MON1A: variants seen among roughly 807,000 people sequenced by gnomAD.
The protein encoded by MON1A is MON1 vesicular trafficking associated A.
Under a neutral mutation model 44.6 loss-of-function variants are expected in MON1A, and 29 were observed. The ratio of observed to expected loss-of-function variants is 0.65; its 90% confidence interval spans 0.48 to 0.89. The LOEUF (loss-of-function observed/expected upper bound fraction) is 0.89. Ranked by LOEUF, MON1A falls within the 40% of genes least tolerant of loss-of-function variation. The pLI, the probability that MON1A is intolerant of heterozygous loss-of-function variation, is 0.00. For missense variants in MON1A, 615 were observed against 759.6 expected (o/e 0.81, Z 2.24); for synonymous variants, 275 against 316.4 (o/e 0.87, Z 1.39).
intron 1 of MON1A, chr3:49,924,669 A>G (rs1158109680): frequency 6.1e-6 from 1 of 164,030 alleles, no homozygotes; most frequent in African/African-American, 2.4e-5. Context: ...GTGCCAGAGC[A>G]GACCCTGTCT....
chr3:49,913,199 A>C (rs2082906820), intron 2 of MON1A, 21 bp downstream of exon 2: 1 of 1,614,120 alleles, frequency 6.2e-7, no homozygotes, highest in African/African-American at 1.3e-5. Context: ...CAGCTGGCTG[A>C]GGCTGTACAC....
At position 49,909,388 on chromosome 3, in the gene MON1A, C is replaced by G. The variant is rs2082848775; in HGVS notation, c.1392G>C (p.Glu464Asp). Residue 464 changes from glutamate to aspartate, a missense_variant, in exon 5 of 6, where the codon GAG (glutamate) becomes GAC (aspartate). Coordinates refer to ENST00000296473, the MANE Select transcript of MON1A (RefSeq NM_032355.4). The surrounding 1 kb of genome is among the most constrained non-coding windows in gnomAD (Gnocchi z 4.0). ...SSGLFTSPEI[E>D]APYTSEEEQE... ...GCTCCTCTTCACTGGTGTATGGGGC[C>G]TCAATCTCAGGGCTGCAGACAGGGT... The G allele has an allele frequency of 1.2e-6, 2 of 1,614,010 alleles. No homozygotes were observed. The highest frequency in any genetic ancestry group is 4.5e-5 in the East Asian group (2 of 44,868).
At chr3:49,916,101 T>C (rs554055528) in intron 1 of MON1A, 1 of 152,376 alleles carries the variant, frequency 6.6e-6, no homozygotes, top group South Asian at 2.1e-4. Context: ...GTGAGCAAAG[T>C]AGACCTGAGC....
intron 1 of MON1A, among the ~76,000 whole-genome samples, chr3:49,918,200 G>C (rs2082964590): frequency 6.6e-6 from 1 of 151,918 alleles, no homozygotes. Flanking sequence ...AGCCAGGTGT[G>C]GTGGCACGTG....
chr3:49,922,484 G>GAGGA (rs747166496), intron 1 of MON1A, among the ~76,000 whole-genome samples: 28 of 137,260 alleles, frequency 2.0e-4, no homozygotes, highest in African/African-American at 3.4e-4. Flanking sequence ...TCTGTAAAGG[G>GAGGA]AGGAAGGAAG....
At position 49,911,994 on chromosome 3, in the gene MON1A, C is replaced by A. The variant is rs756938008; in HGVS notation, c.145G>T (p.Ala49Ser). 4 of 1,594,902 alleles carry A rather than the reference C, an allele frequency of 2.5e-6. No individual in the cohort carries two copies. The highest frequency in any genetic ancestry group is 2.6e-6 in the Non-Finnish European group (3 of 1,168,558). ...GMEPGAGQEG[A>S]MFVHARSYED... is the part of the protein sequence containing the mutation. Reference sequence around the variant, plus strand: ...TAGGAACGGGCATGGACGAACATGGCACCCTCCTGGCCCGCACCTGCAGGC... The same window carrying A: ...TAGGAACGGGCATGGACGAACATGGAACCCTCCTGGCCCGCACCTGCAGGC... Residue 49 changes from alanine (A) to serine (S), a missense_variant, in exon 3 of 6, where the codon GCC becomes TCC. Transcript: ENST00000296473. The surrounding 1 kb of genome is among the most constrained non-coding windows in gnomAD (Gnocchi z 5.7).
intron 1 of MON1A, among the ~76,000 whole-genome samples, chr3:49,923,422 G>GGAAA (rs1207581825): frequency 1.3e-4 from 19 of 150,082 alleles, no homozygotes; most frequent in East Asian, 4.0e-4. Flanking sequence ...AAGAAAGGAA[G>GGAAA]GAAAGAAAGA....
In MON1A at chr3:49,908,889, A is replaced by T; in HGVS notation, c.*125T>A. 2.7e-6 allele frequency: 3 copies of T among 1,122,184 alleles called. No homozygotes were observed. Among genetic ancestry groups the T allele is most frequent in the Non-Finnish European group, 3.8e-6 (3 of 797,496 alleles). 69.5% of individuals were successfully genotyped at this position (1,122,184 alleles called of 1,614,324 possible). ...ACAAGTGTCTTCCCCAAAGCACTTT[A>T]ATGCATTCACCAACCCACAGTCCCT... On this transcript the variant is annotated 3_prime_UTR_variant, in exon 6 of 6. Coordinates refer to ENST00000296473, the MANE Select transcript of MON1A (RefSeq NM_032355.4).
At chr3:49,922,906 T>C (rs1206440455) in intron 1 of MON1A, among the ~76,000 whole-genome samples, 1 of 151,534 alleles carries the variant, frequency 6.6e-6, no homozygotes, top group Non-Finnish European at 1.5e-5. Flanking sequence ...AGACAGGGTT[T>C]CACCATGTTA....
In MON1A at chr3:49,910,798, G is replaced by A; in HGVS notation, c.700C>T (p.Gln234Ter). The stretch of plus-strand genomic sequence containing the variant: ...TGGTAGTAGATGTAGAGCAGCTCCT[G>A]CGCCAGCTCTTGTGCCGACTGCCGC... ...RTRQSAQELA[Q>*]ELLYIYYQIL... The change falls in exon 4 of 6, where the codon CAG becomes TAG. Residue 234 changes from glutamine (Q) to a stop codon, truncating the protein, a stop_gained. Coordinates refer to ENST00000296473, the MANE Select transcript of MON1A (RefSeq NM_032355.4). LOFTEE classifies it high-confidence loss of function. The surrounding 1 kb of genome is among the most constrained non-coding windows in gnomAD (Gnocchi z 8.0). 1 of 1,613,920 alleles carries A rather than the reference G, an allele frequency of 6.2e-7. No individual in the cohort carries two copies. The highest frequency in any genetic ancestry group is 8.5e-7 in the Non-Finnish European group (1 of 1,180,000).
In MON1A at chr3:49,911,245, GA is replaced by G. The variant is rs2082882243; in HGVS notation, c.613+280del. 2.6e-5 allele frequency among the ~76,000 whole-genome samples: 2 copies of G among 78,344 alleles called. No homozygotes were observed. The highest frequency in any genetic ancestry group is 2.4e-4 in the East Asian group (1 of 4,082). 51.4% of individuals were successfully genotyped at this position (78,344 alleles called of 152,430 possible). A position where few individuals can be genotyped will look rare whatever the true frequency, so the allele number is the denominator to read the frequency against. ...AGATAGATAGATAGATAGATAGATA[GA>G]GTTTGTTGTTGTTGTTGTTGTTGCC... On this transcript the variant is annotated intron_variant, in intron 3 of 5. Coordinates refer to ENST00000296473, the MANE Select transcript of MON1A (RefSeq NM_032355.4). The surrounding 1 kb of genome is among the most constrained non-coding windows in gnomAD (Gnocchi z 5.7).
chr3:49,912,810 T>C, intron 2 of MON1A: 2 of 329,958 alleles, frequency 6.1e-6, no homozygotes, highest in Admixed American at 8.3e-5. Flanking sequence ...GGGATATAAC[T>C]GCTCTGCGCT....
In MON1A at chr3:49,910,858, G is replaced by A. The variant is rs2082869980; in HGVS notation, c.640C>T (p.Arg214Trp). 1.9e-6 allele frequency: 3 copies of A among 1,611,426 alleles called. No homozygotes were observed. The highest frequency in any genetic ancestry group is 2.5e-6 in the Non-Finnish European group (3 of 1,178,094). The change falls in exon 4 of 6, where the codon CGG becomes TGG. Residue 214 changes from arginine (R) to tryptophan (W), a missense_variant. Physicochemically the swap from Arg to Trp is moderately radical, Grantham distance 101. Transcript: ENST00000296473. The surrounding 1 kb of genome is among the most constrained non-coding windows in gnomAD (Gnocchi z 8.0). Reference protein sequence around the residue: ...ADGYKVVFVRRSPLVLVAVAR... With the variant: ...ADGYKVVFVRWSPLVLVAVAR... ...ACCGCCACTAGCACCAGCGGGCTCC[G>A]GCGCACGAATACTACCTTGTAGCCA...
chr3:49,920,371 C>T (rs2082985580), intron 1 of MON1A, among the ~76,000 whole-genome samples: 1 of 152,180 alleles, frequency 6.6e-6, no homozygotes, highest in Admixed American at 6.6e-5. Context: ...TCTCTGTCTT[C>T]ACTCAATCCC....
chr3:49,919,044 G>A (rs992800148), intron 1 of MON1A, among the ~76,000 whole-genome samples: 2 of 152,130 alleles, frequency 1.3e-5, no homozygotes, highest in African/African-American at 2.4e-5. Flanking sequence ...TTAACCAGGT[G>A]TGGTGGCATG....
intron 1 of MON1A, chr3:49,929,326 G>T (rs1254295713): frequency 5.7e-6 from 3 of 526,454 alleles, no homozygotes; most frequent in Non-Finnish European, 6.7e-6. Context: ...ATATGTGTAC[G>T]TTTGTTGGCG....
chr3:49,916,255 C>T (rs910297228), intron 1 of MON1A, among the ~76,000 whole-genome samples: 1 of 152,202 alleles, frequency 6.6e-6, no homozygotes, highest in Admixed American at 6.5e-5. Flanking sequence ...TGGTCCCAAA[C>T]AGATAGCATC....
chr3:49,924,680 C>CA (rs34011296), intron 1 of MON1A: 45 of 157,376 alleles, frequency 2.9e-4, no homozygotes, highest in Middle Eastern at 2.9e-3. Flanking sequence ...GACCCTGTCT[C>CA]AAAAAAAAAT....
At position 49,910,909 on chromosome 3, in the gene MON1A, A is replaced by G. The variant is rs748434305; in HGVS notation, c.614-25T>C. On this transcript the variant is annotated intron_variant, in intron 3 of 5. Transcript: ENST00000296473. This position sits in a 1 kb window ranked among gnomAD's most constrained non-coding sequence, Gnocchi z 8.0. ...TCTGAGAGCGGGACAGGAAAGAAGG[A>G]TGTCAGCCTCAGCGGCAGCTCCCTC... 5.1e-6 allele frequency: 8 copies of G among 1,564,424 alleles called. No homozygotes were observed. The highest frequency in any genetic ancestry group is 2.6e-6 in the Non-Finnish European group (3 of 1,152,742).
Sources: gnomAD v4.1 joint callset for allele counts (sites outside exome capture counted in the v4.1 genomes callset) on GRCh38, gnomAD v4.1.1 for gene constraint, Gnocchi (gnomAD v3.1) non-coding constraint, MANE v1.5 for transcripts, NCBI Gene and HGNC (gene_info 2026-07-23, HGNC 2026-07-21) for gene names.